Variants in DNAJC1 observed in about 807,000 individuals in gnomAD.
The protein encoded by DNAJC1 is dnaJ homolog subfamily C member 1.
In DNAJC1, 58 loss-of-function variants were observed where a neutral mutation model predicts 76.6. That is an observed-to-expected ratio of 0.76 (90% CI 0.61 to 0.94). The LOEUF is 0.94. Ranked by LOEUF, DNAJC1 falls within the 40% of genes least tolerant of loss-of-function variation. The probability of loss-of-function intolerance (pLI) is 0.00; values close to 1 mark genes in which losing one functional copy is unlikely to be tolerated. For missense variants in DNAJC1, 689 were observed against 677.3 expected (o/e 1.02, Z -0.19); for synonymous variants, 258 against 267.9 (o/e 0.96, Z 0.36).
chr10:21,809,663 A>C (rs574202533), intron 8 of DNAJC1, among the ~76,000 whole-genome samples: 1 of 152,106 alleles, frequency 6.6e-6, no homozygotes, highest in East Asian at 1.9e-4. Flanking sequence ...TGGATGTCTA[A>C]TAATCTAATT....
rs1009598526 is a variant in DNAJC1, at chr10:21,766,843, G to A, written c.1099-534C>T. 3.3e-5 allele frequency among the ~76,000 whole-genome samples: 5 copies of A among 151,872 alleles called. No homozygotes were observed. The East Asian group carries it at 5.8e-4, about 18-fold the overall frequency. ...AAAGTAGCTGGGCAAGGCGGTGGTT[G>A]CCTGTAATCCCAGCTACTCGGGAGG... On this transcript the variant is annotated intron_variant, in intron 9 of 11. Transcript: ENST00000376980.
At chr10:21,943,677 T>C (rs889544234) in intron 1 of DNAJC1, among the ~76,000 whole-genome samples, 1 of 152,180 alleles carries the variant, frequency 6.6e-6, no homozygotes, top group African/African-American at 2.4e-5. Context: ...CCAGATAATC[T>C]TGTTCTTGGC....
At chr10:21,957,875 T>G (rs1047010822) in intron 1 of DNAJC1, among the ~76,000 whole-genome samples, 3 of 152,188 alleles carry the variant, frequency 2.0e-5, no homozygotes, top group African/African-American at 7.2e-5. Flanking sequence ...TTTCTTTAAG[T>G]GATGGTACAT....
rs1481008976 is a variant in DNAJC1, at chr10:21,928,508, C to T, written c.369G>A (p.Gln123=). ...YEVLKDDERR[Q]RYDDILINGL... ...CAAAAGCAGAAATGAACACTCACCT[C>T]TGCCTTCGTTCATCATCCTTTAAAA... Residue 123 remains glutamine (Q), a splice_region_variant and synonymous_variant, in exon 3 of 12, where the codon CAG becomes CAA. Coordinates refer to ENST00000376980, the MANE Select transcript of DNAJC1 (RefSeq NM_022365.4). 6.2e-7 allele frequency: 1 copy of T among 1,612,872 alleles called. No individual in the cohort carries two copies. The highest frequency in any genetic ancestry group is 8.5e-7 in the Non-Finnish European group (1 of 1,179,256).
intron 8 of DNAJC1, among the ~76,000 whole-genome samples, chr10:21,876,524 T>G (rs1424404056): frequency 6.6e-6 from 1 of 152,226 alleles, no homozygotes; most frequent in Admixed American, 6.5e-5. Flanking sequence ...TTATCCCAAT[T>G]AAATATCTCA....
chr10:21,794,919 T>C (rs1042240813), intron 9 of DNAJC1, among the ~76,000 whole-genome samples: 3 of 152,214 alleles, frequency 2.0e-5, no homozygotes, highest in South Asian at 4.1e-4. Flanking sequence ...TTGCATTTTG[T>C]AATATCTGTA....
At chr10:21,791,265 G>A (rs1199287883) in intron 9 of DNAJC1, among the ~76,000 whole-genome samples, 1 of 152,164 alleles carries the variant, frequency 6.6e-6, no homozygotes, top group East Asian at 1.9e-4. Context: ...TCTAAAGGGA[G>A]AGATAGACTC....
intron 8 of DNAJC1, among the ~76,000 whole-genome samples, chr10:21,877,868 G>C (rs1333835824): frequency 6.6e-6 from 1 of 152,168 alleles, no homozygotes; most frequent in Non-Finnish European, 1.5e-5. Context: ...GCCTACTGTT[G>C]ACTGGAAGCT....
intron 9 of DNAJC1, among the ~76,000 whole-genome samples, chr10:21,773,078 C>A (rs1589974604): frequency 6.6e-6 from 1 of 152,162 alleles, no homozygotes; most frequent in African/African-American, 2.4e-5. Flanking sequence ...AAGGACCCAC[C>A]TCCGACACTG....
chr10:21,901,636 T>C (rs1314834660), intron 7 of DNAJC1, among the ~76,000 whole-genome samples: 3 of 152,202 alleles, frequency 2.0e-5, no homozygotes, highest in Non-Finnish European at 4.4e-5. Flanking sequence ...TAAAATGCCA[T>C]TTTAATAAGA....
At chr10:21,995,211 T>G (rs7089656) in intron 1 of DNAJC1, among the ~76,000 whole-genome samples, 118,723 of 151,994 alleles carry the variant, frequency 0.78, 47,190 homozygotes, top group East Asian at 0.99. Flanking sequence ...AGTCCTTAAG[T>G]ATTGACTAGA....
chr10:21,783,682 T>C (rs541338494), intron 9 of DNAJC1, among the ~76,000 whole-genome samples: 1 of 152,204 alleles, frequency 6.6e-6, no homozygotes, highest in Non-Finnish European at 1.5e-5. Flanking sequence ...CAAAACAGCA[T>C]GGTACTGATA....
chr10:21,948,179 C>T (rs1837537056), intron 1 of DNAJC1, among the ~76,000 whole-genome samples: 1 of 151,482 alleles, frequency 6.6e-6, no homozygotes, highest in South Asian at 2.1e-4. Flanking sequence ...CAATATCTGC[C>T]TCCCGGGTTC....
chr10:21,834,468 T>C (rs1025769458), intron 8 of DNAJC1, among the ~76,000 whole-genome samples: 3 of 151,958 alleles, frequency 2.0e-5, no homozygotes, highest in Admixed American at 6.5e-5. Flanking sequence ...TACCAGACAG[T>C]AGGTGCAGGA....
intron 9 of DNAJC1, among the ~76,000 whole-genome samples, chr10:21,780,466 C>T (rs1324784034): frequency 2.6e-5 from 4 of 152,214 alleles, no homozygotes; most frequent in Non-Finnish European, 5.9e-5. Context: ...AAAGAATTTT[C>T]AACCCAGAAT....
At chr10:21,928,868 T>C (rs1564830160) in intron 2 of DNAJC1, among the ~76,000 whole-genome samples, 172 bp downstream of exon 2, 2 of 152,072 alleles carry the variant, frequency 1.3e-5, no homozygotes, top group Admixed American at 6.6e-5. Flanking sequence ...GAGATGCTAA[T>C]ACAAAATAGT....
intron 8 of DNAJC1, among the ~76,000 whole-genome samples, chr10:21,876,370 C>A (rs1836187973): frequency 6.6e-6 from 1 of 152,006 alleles, no homozygotes; most frequent in African/African-American, 2.4e-5. Flanking sequence ...CCTCAGCCTC[C>A]CAGAGTGCTG....
At position 22,002,826 on chromosome 10, in the gene DNAJC1, G is replaced by T. The variant is rs531776659; in HGVS notation, c.222+387C>A. Reference sequence around the variant, plus strand: ...AGCGGCTGCTCTTTCTCACATTCAGGGGGACAGGAAGGCAAAAGGTAGGTG... The same window carrying T: ...AGCGGCTGCTCTTTCTCACATTCAGTGGGACAGGAAGGCAAAAGGTAGGTG... On this transcript the variant is annotated intron_variant, in intron 1 of 11. Transcript: ENST00000376980. 1.6e-3 allele frequency among the ~76,000 whole-genome samples: 242 copies of T among 151,880 alleles called. 2 individuals carry two copies. The highest frequency in any genetic ancestry group is 3.1e-3 in the Non-Finnish European group (209 of 67,942).
In DNAJC1 at chr10:21,881,536, G is replaced by A. The variant is rs565332695; in HGVS notation, c.978+746C>T. ...ATACTGCTGTGCCTTAGGGAGTAGGGAGACCAGAGGAGACGGAAAGAGACT... is the reference window on the plus strand; with the variant it reads ...ATACTGCTGTGCCTTAGGGAGTAGGAAGACCAGAGGAGACGGAAAGAGACT... On this transcript the variant is annotated intron_variant, in intron 8 of 11. Coordinates refer to ENST00000376980, the MANE Select transcript of DNAJC1 (RefSeq NM_022365.4). 1.4e-4 allele frequency among the ~76,000 whole-genome samples: 21 copies of A among 152,178 alleles called. No individual in the cohort carries two copies. The South Asian group carries it at 3.9e-3, about 29-fold the overall frequency.
Sources: gnomAD v4.1 joint callset for allele counts (sites outside exome capture counted in the v4.1 genomes callset) on GRCh38, gnomAD v4.1.1 for gene constraint, MANE v1.5 for transcripts, NCBI Gene and HGNC (gene_info 2026-07-23, HGNC 2026-07-21) for gene names.